ALCAM: variants seen among roughly 807,000 people sequenced by gnomAD.
ALCAM encodes CD166 antigen.
A neutral mutation model predicts 70.9 loss-of-function variants in ALCAM; 30 were observed. That is an observed-to-expected ratio of 0.42 (90% CI 0.32 to 0.57). The LOEUF (loss-of-function observed/expected upper bound fraction) is 0.57, where lower values mean the gene tolerates loss of function less well. ALCAM is among the 20% of genes least tolerant of loss of function. ALCAM has a pLI of 0.11. For synonymous variants in ALCAM, 249 were observed against 242.5 expected, an observed-to-expected ratio of 1.03 and a Z score of -0.25; for missense variants, 591 against 695.1, an observed-to-expected ratio of 0.85 and a Z score of 1.68.
At chr3:105,470,132 T>TACACACACAC (rs35560211) in intron 1 of ALCAM, among the ~76,000 whole-genome samples, 2,284 of 145,762 alleles carry the variant, frequency 0.016, 19 homozygotes, top group South Asian at 0.022. Flanking sequence ...GTTATATACA[T>TACACACACAC]ACACACACAC....
chr3:105,539,962 G>A lies in ALCAM; in HGVS notation c.731-13G>A, dbSNP rs1373016029. ...TGACAAAAATGGTTAACTTGTGTCT[G>A]TAACTCTTACAGATCCTACAGAGCA... On this transcript the variant is annotated splice_polypyrimidine_tract_variant and intron_variant, in intron 6 of 15. Coordinates refer to ENST00000306107, the MANE Select transcript of ALCAM (RefSeq NM_001627.4). 1.2e-6 allele frequency: 2 copies of A among 1,609,774 alleles called. No homozygotes were observed. The highest frequency in any genetic ancestry group is 3.4e-5 in the Admixed American group (2 of 59,698).
intron 1 of ALCAM, among the ~76,000 whole-genome samples, chr3:105,387,840 T>G (rs1439750345): frequency 6.6e-6 from 1 of 151,592 alleles, no homozygotes; most frequent in East Asian, 1.9e-4. Flanking sequence ...GCTTATACAA[T>G]GACATTAGGC....
chr3:105,566,508 C>T (rs532989397), intron 14 of ALCAM, among the ~76,000 whole-genome samples: 3 of 152,036 alleles, frequency 2.0e-5, no homozygotes, highest in Admixed American at 6.6e-5. Flanking sequence ...TTCTAGGAAT[C>T]TTCTGTCCTT....
Position 105,534,763 on chromosome 3 carries a change from G to A in ALCAM, c.648G>A (p.Met216Ile), listed in dbSNP as rs577619201. The A allele has an allele frequency of 4.2e-5, 68 of 1,613,616 alleles. No homozygotes were observed. The highest frequency in any genetic ancestry group is 5.8e-5 in the Non-Finnish European group (68 of 1,179,800). The stretch of plus-strand genomic sequence containing the variant: ...AGACAACCAAGGCTGACATACAAAT[G>A]CCATTCACCTGCTCGGTGACATATT... Reference protein sequence around the residue: ...EYKTTKADIQMPFTCSVTYYG... With the variant: ...EYKTTKADIQIPFTCSVTYYG... Residue 216 changes from methionine to isoleucine, a missense_variant, in exon 6 of 16, where the codon ATG becomes ATA. Around this residue, in one of 2 missense-constraint regions of ALCAM, gnomAD observed 427 missense variants for 450.4 expected, o/e 0.95. Transcript: ENST00000306107.
intron 1 of ALCAM, among the ~76,000 whole-genome samples, chr3:105,516,096 T>G (rs1164634438): frequency 6.6e-6 from 1 of 151,966 alleles, no homozygotes; most frequent in African/African-American, 2.4e-5. Flanking sequence ...CAGGCTAAAT[T>G]ACAGCATGTG....
chr3:105,573,824 G>A (rs139590393), intron 15 of ALCAM, among the ~76,000 whole-genome samples: 1 of 152,272 alleles, frequency 6.6e-6, no homozygotes, highest in African/African-American at 2.4e-5. Context: ...GGTCATCCAA[G>A]TTAATCCCAT....
At chr3:105,519,996 T>A in intron 1 of ALCAM, 71 bp from the exon 2 acceptor site, 2 of 996,492 alleles carry the variant, frequency 2.0e-6, no homozygotes, top group Non-Finnish European at 3.1e-6. Flanking sequence ...TTATTTGTCA[T>A]TTCAAGAAAG....
chr3:105,541,777 A>G lies in ALCAM; in HGVS notation c.991+12A>G. 6.2e-7 allele frequency: 1 copy of G among 1,611,252 alleles called. No homozygotes were observed. Among genetic ancestry groups the G allele is most frequent in the Non-Finnish European group, 8.5e-7 (1 of 1,178,296 alleles). On this transcript the variant is annotated intron_variant, in intron 8 of 15. Coordinates refer to ENST00000306107, the MANE Select transcript of ALCAM (RefSeq NM_001627.4). ...TATCACAGTTCACTGTAAGTCACCT[A>G]CTTCTTCATCAGCAGCTTCACCTCA...
At position 105,550,189 on chromosome 3, in the gene ALCAM, G is replaced by A. The variant is rs756190329; in HGVS notation, c.1437G>A (p.Glu479=). 6.2e-7 allele frequency: 1 copy of A among 1,603,746 alleles called. No individual in the cohort carries two copies. Among genetic ancestry groups the A allele is most frequent in the Admixed American group, 1.7e-5 (1 of 59,712 alleles). ...YYSKIIISPE[E]NVTLTCTAEN... is the part of the protein sequence containing the mutation. ...GTAAAATTATCATTTCCCCTGAAGA[G>A]AATGTTACATTAACTTGCACAGCAG... is the stretch of plus-strand genomic sequence containing the variant. The change falls in exon 12 of 16, where the codon GAG becomes GAA. Residue 479 remains glutamate, a synonymous_variant. Transcript: ENST00000306107.
At chr3:105,445,310 C>A (rs1437850328) in intron 1 of ALCAM, among the ~76,000 whole-genome samples, 1 of 151,922 alleles carries the variant, frequency 6.6e-6, no homozygotes, top group African/African-American at 2.4e-5. Flanking sequence ...CACTGAAAAA[C>A]ATTGATAAAA....
chr3:105,568,049 T>TTTTA (rs1940781654), intron 14 of ALCAM, among the ~76,000 whole-genome samples: 1 of 118,792 alleles, frequency 8.4e-6, no homozygotes, highest in African/African-American at 3.2e-5. Flanking sequence ...TTTTTTATTA[T>TTTTA]TTTATTTTAT....
intron 7 of ALCAM, among the ~76,000 whole-genome samples, 192 bp from the exon 8 acceptor site, chr3:105,541,441 T>G (rs954224101): frequency 6.6e-6 from 1 of 151,988 alleles, no homozygotes; most frequent in Non-Finnish European, 1.5e-5. Flanking sequence ...CTCAAATTCC[T>G]TAGGTCCAAA....
chr3:105,525,870 A>G (rs1213137021), intron 3 of ALCAM, among the ~76,000 whole-genome samples: 2 of 152,216 alleles, frequency 1.3e-5, no homozygotes, highest in African/African-American at 4.8e-5. Context: ...GAATCAAACC[A>G]AGTGCAAACC....
Position 105,395,421 on chromosome 3 carries a change from T to C in ALCAM, c.73+27940T>C, listed in dbSNP as rs111743181. On this transcript the variant is annotated intron_variant, in intron 1 of 15. Transcript: ENST00000306107. ...GCAACAAATGAGCTCTTATTTCTTATATCCAGAGATGTTTTCTTACTAAAT... is the reference window on the plus strand; with the variant it reads ...GCAACAAATGAGCTCTTATTTCTTACATCCAGAGATGTTTTCTTACTAAAT... Among the ~76,000 whole-genome samples the C allele has an allele frequency of 3.6e-3, 543 of 152,134 alleles. 4 individuals are homozygous for C. The highest frequency in any genetic ancestry group is 0.012 in the African/African-American group (518 of 41,546).
intron 1 of ALCAM, among the ~76,000 whole-genome samples, chr3:105,484,746 C>T (rs1443189152): frequency 2.6e-5 from 4 of 152,016 alleles, no homozygotes; most frequent in Non-Finnish European, 4.4e-5. Flanking sequence ...ATAATTATCC[C>T]CATTTGCTCA....
At chr3:105,508,826 T>TGC (rs1939154198) in intron 1 of ALCAM, among the ~76,000 whole-genome samples, 1 of 758 alleles carries the variant, frequency 1.3e-3, no homozygotes, top group Non-Finnish European at 0.17. Flanking sequence ...CATTTCTAGT[T>TGC]GTGTCCTATA....
intron 1 of ALCAM, among the ~76,000 whole-genome samples, chr3:105,481,612 C>T (rs1285702401): frequency 2.6e-5 from 4 of 152,088 alleles, no homozygotes; most frequent in East Asian, 1.9e-4. Context: ...ACTAATTCTA[C>T]AACAAGTCCA....
intron 3 of ALCAM, among the ~76,000 whole-genome samples, chr3:105,528,221 A>G (rs1939754198): frequency 6.6e-6 from 1 of 152,196 alleles, no homozygotes; most frequent in Non-Finnish European, 1.5e-5. Context: ...TCTTCACTAC[A>G]TTCTCACCTT....
At chr3:105,462,054 A>G (rs1047698699) in intron 1 of ALCAM, among the ~76,000 whole-genome samples, 21 of 151,810 alleles carry the variant, frequency 1.4e-4, no homozygotes, top group Middle Eastern at 3.4e-3. Context: ...TGGACATACT[A>G]TATCAAGAGC....
Sources: allele counts gnomAD v4.1 joint callset (sites outside exome capture counted in the v4.1 genomes callset), GRCh38; gene constraint gnomAD v4.1.1; regional missense constraint gnomAD v4.1.1; transcripts MANE v1.5; gene names NCBI Gene and HGNC (gene_info 2026-07-23, HGNC 2026-07-21).